Variants in STS observed in about 807,000 individuals in gnomAD.
The protein encoded by STS is steryl-sulfatase.
A neutral mutation model predicts 26.8 loss-of-function variants in STS; 7 were observed. That is an observed-to-expected ratio of 0.26 (90% confidence interval 0.15 to 0.49). The LOEUF is 0.49. Ranked by LOEUF, STS falls within the 20% of genes least tolerant of loss-of-function variation. The probability of loss-of-function intolerance (pLI) is 0.98; values close to 1 mark genes in which losing one functional copy is unlikely to be tolerated. For synonymous variants in STS, 199 were observed against 189.4 expected (o/e 1.05, Z -0.42); for missense variants, 434 against 465.6 (o/e 0.93, Z 0.63).
intron 7 of STS, among the ~76,000 whole-genome samples, chrX:7,294,392 G>A (rs1175400443): frequency 9.0e-6 from 1 of 110,600 alleles, no homozygotes; most frequent in African/African-American, 3.3e-5. Context: ...CGCTAAAATG[G>A]TCATGATGGA....
intron 6 of STS, among the ~76,000 whole-genome samples, chrX:7,273,902 G>A (rs756399567): frequency 8.9e-6 from 1 of 111,778 alleles, no homozygotes; most frequent in East Asian, 2.8e-4. Context: ...TTCAGTGGAA[G>A]GTTAATGCTC....
At chrX:7,302,545 T>C (rs1926014334) in intron 7 of STS, among the ~76,000 whole-genome samples, 1 of 111,739 alleles carries the variant, frequency 8.9e-6, no homozygotes, top group Non-Finnish European at 1.9e-5. Flanking sequence ...CATTTACATA[T>C]ATGGTGTGGG....
intron 8 of STS, among the ~76,000 whole-genome samples, chrX:7,314,534 A>C (rs1265695641): frequency 7.1e-5 from 8 of 112,850 alleles, no homozygotes; most frequent in Admixed American, 2.8e-4. Context: ...GGGACTGTCC[A>C]CTTTAGCAGA....
intron 10 of STS, among the ~76,000 whole-genome samples, chrX:7,348,159 G>A (rs758013298): frequency 5.4e-5 from 6 of 111,249 alleles, no homozygotes; most frequent in East Asian, 5.6e-4. Flanking sequence ...TATTCACCTC[G>A]CTTTCCCTGT....
chrX:7,171,157 C>G (rs746715745), intron 1 of STS, among the ~76,000 whole-genome samples: 70 of 111,714 alleles, frequency 6.3e-4, no homozygotes, highest in South Asian at 1.1e-3. Flanking sequence ...CTGCTCAAAG[C>G]ATAAAAATCT....
intron 2 of STS, among the ~76,000 whole-genome samples, chrX:7,226,146 T>G (rs746621123): frequency 1.8e-5 from 2 of 112,283 alleles, no homozygotes; most frequent in East Asian, 5.6e-4. Flanking sequence ...CTGTTGCCCC[T>G]CTCTAATCAA....
intron 2 of STS, among the ~76,000 whole-genome samples, chrX:7,204,544 C>A (rs1902359467): frequency 1.2e-5 from 1 of 84,155 alleles, no homozygotes; most frequent in Non-Finnish European, 2.3e-5. Context: ...TCCCTCCTTT[C>A]CTCCCTTCCT....
At chrX:7,291,191 G>A (rs752905857) in intron 7 of STS, among the ~76,000 whole-genome samples, 8 of 111,467 alleles carry the variant, frequency 7.2e-5, no homozygotes, top group Non-Finnish European at 1.3e-4. Flanking sequence ...AACAAGCCTC[G>A]TGGAGTAGAA....
chrX:7,229,726 G>A (rs1346130628), intron 2 of STS, among the ~76,000 whole-genome samples: 1 of 110,975 alleles, frequency 9.0e-6, no homozygotes, highest in Non-Finnish European at 1.9e-5. Context: ...ACACCCAGTC[G>A]TTAAAAACTC....
At chrX:7,327,779 T>G (rs1261596290) in intron 9 of STS, among the ~76,000 whole-genome samples, 1 of 111,824 alleles carries the variant, frequency 8.9e-6, no homozygotes, top group Admixed American at 9.5e-5. Flanking sequence ...TAACACTGAC[T>G]TTACAGGATC....
At chrX:7,171,218 G>C (rs1414524129) in intron 1 of STS, among the ~76,000 whole-genome samples, 1 of 111,794 alleles carries the variant, frequency 8.9e-6, no homozygotes, top group Non-Finnish European at 1.9e-5. Context: ...AATCCTGGCA[G>C]TAATTCCAAG....
chrX:7,237,553 G>T (rs188407970), intron 2 of STS, among the ~76,000 whole-genome samples: 12 of 112,380 alleles, frequency 1.1e-4, no homozygotes, highest in Non-Finnish European at 2.1e-4. Context: ...GAATAATATT[G>T]CATTGTATGT....
chrX:7,234,431 A>C (rs1263633519), intron 2 of STS, among the ~76,000 whole-genome samples: 1 of 112,425 alleles, frequency 8.9e-6, no homozygotes, highest in Non-Finnish European at 1.9e-5. Flanking sequence ...GCCGACATGC[A>C]AGGAAAGGGA....
chrX:7,200,526 C>T (rs1424441014), intron 2 of STS, among the ~76,000 whole-genome samples: 1 of 111,536 alleles, frequency 9.0e-6, no homozygotes, highest in Non-Finnish European at 1.9e-5. Flanking sequence ...AATGAGCTCT[C>T]TTGCTGTCTT....
chrX:7,242,751 G>T (rs1437478582), intron 2 of STS, among the ~76,000 whole-genome samples: 1 of 112,109 alleles, frequency 8.9e-6, no homozygotes, highest in Non-Finnish European at 1.9e-5. Context: ...GCTAGCAAGT[G>T]GGGGAGAAAG....
chrX:7,344,452 G>A (rs1457051015), intron 10 of STS, among the ~76,000 whole-genome samples: 1 of 111,392 alleles, frequency 9.0e-6, no homozygotes, highest in Non-Finnish European at 1.9e-5. Context: ...TGGTGGGAAG[G>A]TGGGGGTCTA....
rs149305607 is a variant in STS at position 7,311,777 on chromosome X, G to C, written c.1081+6594G>C. Among the ~76,000 whole-genome samples, 661 of 112,372 alleles carry C rather than the reference G, an allele frequency of 5.9e-3. 8 individuals are homozygous for C. The highest frequency in any genetic ancestry group is 0.02 in the African/African-American group (626 of 30,957). On this transcript the variant is annotated intron_variant, in intron 8 of 10. Transcript: ENST00000674429. ...GGGTGGGAGGATCACTTGAGCCCAG[G>C]AGTTTGAATCTGCAGTGAGCTATGA...
chrX:7,304,498 A>G (rs1926122254), intron 7 of STS, among the ~76,000 whole-genome samples: 1 of 111,589 alleles, frequency 9.0e-6, no homozygotes, highest in African/African-American at 3.3e-5. Context: ...TTCCTCTATC[A>G]ATGAGGAATA....
intron 2 of STS, among the ~76,000 whole-genome samples, chrX:7,217,511 G>C (rs1320739717): frequency 9.0e-6 from 1 of 111,693 alleles, no homozygotes; most frequent in Non-Finnish European, 1.9e-5. Context: ...CCATGCACTT[G>C]CCAGCAGCCT....
Sources: gnomAD v4.1 joint callset for allele counts (sites outside exome capture counted in the v4.1 genomes callset) on GRCh38, gnomAD v4.1.1 for gene constraint, MANE v1.5 for transcripts, NCBI Gene and HGNC (gene_info 2026-07-23, HGNC 2026-07-21) for gene names.